Variants in FOCAD observed in about 807,000 individuals in gnomAD.
FOCAD encodes the protein focadhesin.
FOCAD carries 198 observed loss-of-function variants against 225.6 expected under a neutral mutation model. The observed-to-expected ratio is 0.88, with a 90% CI of 0.78 to 0.99. The LOEUF is 0.99. FOCAD is among the 50% of genes least tolerant of loss of function. The pLI is 0.00. For synonymous variants in FOCAD, 897 were observed against 755.0 expected (o/e 1.19, Z -3.08); for missense variants, 2,713 against 2,123.6 (o/e 1.28, Z -5.46).
At chr9:20,975,068 A>G (rs1840112803) in intron 35 of FOCAD, among the ~76,000 whole-genome samples, 1 of 151,260 alleles carries the variant, frequency 6.6e-6, no homozygotes, top group Non-Finnish European at 1.5e-5. Context: ...TCCTACCTCT[A>G]CTTTTCCTTT....
At position 20,946,687 on chromosome 9, in the gene FOCAD, T is replaced by C. The variant is rs1459331457; in HGVS notation, c.3556-14T>C. ...CTCCTGAAGACATATTTTTCTGCTG[T>C]ATTTTCTTCTCAGGTCCTTGCCTAC... On this transcript the variant is annotated splice_polypyrimidine_tract_variant and intron_variant, in intron 29 of 43. Transcript: ENST00000338382. 6.2e-7 allele frequency: 1 copy of C among 1,600,664 alleles called. No homozygotes were observed. The highest frequency in any genetic ancestry group is 1.8e-5 in the Admixed American group (1 of 57,092).
intron 43 of FOCAD, 97 bp downstream of exon 43, chr9:20,993,425 C>A: frequency 2.0e-6 from 2 of 1,019,992 alleles, no homozygotes; most frequent in Non-Finnish European, 3.0e-6. Context: ...TTGAGTATCT[C>A]TTACCCGAAA....
intron 36 of FOCAD, 134 bp from the exon 37 acceptor site, chr9:20,978,205 T>C: frequency 1.8e-6 from 1 of 547,122 alleles, no homozygotes; most frequent in South Asian, 2.7e-5. Context: ...TCTTGAAATA[T>C]CTCTTCTGGT....
At chr9:20,718,242 G>A (rs1563910132) in intron 3 of FOCAD, among the ~76,000 whole-genome samples, 1 of 152,188 alleles carries the variant, frequency 6.6e-6, no homozygotes, top group African/African-American at 2.4e-5. Flanking sequence ...CTGTTTGGAT[G>A]TAGATTTCTC....
chr9:20,790,204 C>G (rs760552653), intron 11 of FOCAD, among the ~76,000 whole-genome samples: 1 of 152,200 alleles, frequency 6.6e-6, no homozygotes, highest in Non-Finnish European at 1.5e-5. Context: ...AATAAGACTT[C>G]TTTCCCCAGC....
At position 20,881,942 on chromosome 9, in the gene FOCAD, G is replaced by A. The variant is rs747118432; in HGVS notation, c.2389G>A (p.Ala797Thr). ...TATGCCTCGTGGGATATATCACTCT[G>A]CATTAAAAGGAGGTGCCCGCTCAGA... ...VNMPRGIYHSALKGGARSDQG... is the reference protein window; with the variant it reads ...VNMPRGIYHSTLKGGARSDQG... The change falls in exon 20 of 44, where the codon GCA (alanine) becomes ACA (threonine). Residue 797 changes from alanine to threonine, a missense_variant. Transcript: ENST00000338382. 2 of 1,613,768 alleles carry A rather than the reference G, an allele frequency of 1.2e-6. No homozygotes were observed. The highest frequency in any genetic ancestry group is 2.7e-5 in the African/African-American group (2 of 74,880).
chr9:20,914,509 A>T (rs1833714898), intron 23 of FOCAD, among the ~76,000 whole-genome samples: 1 of 152,158 alleles, frequency 6.6e-6, no homozygotes, highest in Non-Finnish European at 1.5e-5. Flanking sequence ...TAATAATATG[A>T]CATTTGAATG....
chr9:20,933,608 C>A (rs1251558822), intron 28 of FOCAD, among the ~76,000 whole-genome samples: 2 of 151,998 alleles, frequency 1.3e-5, no homozygotes, highest in African/African-American at 4.8e-5. Context: ...TCTTTATCCA[C>A]TCATTGATTG....
chr9:20,720,604 T>C, intron 4 of FOCAD, 70 bp downstream of exon 4: 2 of 1,474,312 alleles, frequency 1.4e-6, no homozygotes, highest in South Asian at 1.3e-5. Context: ...TAAATCACTA[T>C]TAAGAGTCAG....
chr9:20,690,158 A>C (rs1822889661), intron 1 of FOCAD, among the ~76,000 whole-genome samples: 1 of 152,176 alleles, frequency 6.6e-6, no homozygotes, highest in African/African-American at 2.4e-5. Context: ...CATTTACCTA[A>C]GATTGCCATC....
Position 20,946,685 on chromosome 9 carries a change from T to A in FOCAD, c.3556-16T>A. Reference sequence around the variant, plus strand: ...TCCTCCTGAAGACATATTTTTCTGCTGTATTTTCTTCTCAGGTCCTTGCCT... The same window carrying A: ...TCCTCCTGAAGACATATTTTTCTGCAGTATTTTCTTCTCAGGTCCTTGCCT... On this transcript the variant is annotated splice_polypyrimidine_tract_variant and intron_variant, in intron 29 of 43. Coordinates refer to ENST00000338382, the MANE Select transcript of FOCAD (RefSeq NM_001375567.1). The A allele has an allele frequency of 6.3e-7, 1 of 1,597,904 alleles. No homozygotes were observed. Among genetic ancestry groups the A allele is most frequent in the Non-Finnish European group, 8.5e-7 (1 of 1,173,828 alleles).
intron 21 of FOCAD, among the ~76,000 whole-genome samples, chr9:20,898,621 G>A (rs890974099): frequency 1.3e-5 from 2 of 151,716 alleles, no homozygotes; most frequent in African/African-American, 4.8e-5. Flanking sequence ...ATTTGTTCTT[G>A]CATATTGTCT....
chr9:20,728,169 G>A (rs923893712), intron 4 of FOCAD, among the ~76,000 whole-genome samples: 5 of 152,054 alleles, frequency 3.3e-5, no homozygotes, highest in South Asian at 2.1e-4. Context: ...AATCTTCAAC[G>A]TCATAATTGA....
intron 1 of FOCAD, among the ~76,000 whole-genome samples, chr9:20,702,951 G>T (rs1259146959): frequency 6.6e-6 from 1 of 152,110 alleles, no homozygotes; most frequent in South Asian, 2.1e-4. Flanking sequence ...ATAGTGGTAA[G>T]AGCTGAGATC....
rs565530237 is a variant in FOCAD at position 20,819,850 on chromosome 9, A to G, written c.1510A>G (p.Ile504Val). 2 of 1,549,382 alleles carry G rather than the reference A, an allele frequency of 1.3e-6. No individual in the cohort carries two copies. Among genetic ancestry groups the G allele is most frequent in the Non-Finnish European group, 1.7e-6 (2 of 1,150,508 alleles). ...MFKLGRPLEPILYNDILYTLP... is the reference protein window; with the variant it reads ...MFKLGRPLEPVLYNDILYTLP... ...CAAATTGGGAAGACCACTGGAACCT[A>G]TATTATATAATGATATATTGTATAC... Residue 504 changes from isoleucine to valine, a missense_variant, in exon 12 of 44, where the codon ATA (isoleucine) becomes GTA (valine). By Grantham distance (29) the Ile-to-Val change is conservative. Coordinates refer to ENST00000338382, the MANE Select transcript of FOCAD (RefSeq NM_001375567.1).
At chr9:20,972,176 G>A (rs1201653690) in intron 35 of FOCAD, among the ~76,000 whole-genome samples, 1 of 152,084 alleles carries the variant, frequency 6.6e-6, no homozygotes, top group South Asian at 2.1e-4. Context: ...ATAAAATAAT[G>A]TGTAAATTTT....
chr9:20,811,922 C>T (rs911568820), intron 11 of FOCAD, among the ~76,000 whole-genome samples: 1 of 151,884 alleles, frequency 6.6e-6, no homozygotes, highest in Admixed American at 6.6e-5. Context: ...CATATTTATT[C>T]TTATATTTTA....
At chr9:20,656,353 A>C (rs1203174580), upstream of FOCAD, among the ~76,000 whole-genome samples, 1 of 151,632 alleles carries the variant, frequency 6.6e-6, no homozygotes, top group Non-Finnish European at 1.5e-5. Flanking sequence ...TGTCTCGTTG[A>C]TCTGTCTAAT....
chr9:20,882,118 T>A (rs7026225), intron 20 of FOCAD, 62 bp downstream of exon 20: 2 of 1,460,344 alleles, frequency 1.4e-6, no homozygotes, highest in Non-Finnish European at 1.9e-6. Context: ...ACTTCCACTT[T>A]CAAGTAGGAT....
Sources: gnomAD v4.1 joint callset for allele counts (sites outside exome capture counted in the v4.1 genomes callset) on GRCh38, gnomAD v4.1.1 for gene constraint, MANE v1.5 for transcripts, NCBI Gene and HGNC (gene_info 2026-07-23, HGNC 2026-07-21) for gene names.